The following ANKRD36 variants were observed in gnomAD, a reference collection of about 807,000 sequenced individuals.
ANKRD36 encodes the protein ankyrin repeat domain 36.
ANKRD36 carries 179 observed loss-of-function variants against 278.1 expected under a neutral mutation model. The observed-to-expected ratio is 0.64, with a 90% CI of 0.57 to 0.73. ANKRD36 has a LOEUF of 0.73. Among genes scored for constraint, ANKRD36 ranks in the 30% least tolerant of loss-of-function variants. The probability of loss-of-function intolerance (pLI) is 0.00; values close to 1 mark genes in which losing one functional copy is unlikely to be tolerated. For missense variants in ANKRD36, 1,159 were observed against 1,956.7 expected (o/e 0.59, Z 7.69); for synonymous variants, 320 against 641.1 (o/e 0.50, Z 7.57).
intron 22 of ANKRD36, among the ~76,000 whole-genome samples, chr2:97,172,275 T>C (rs957542663): frequency 2.0e-5 from 3 of 151,904 alleles, no homozygotes; most frequent in Non-Finnish European, 4.4e-5. Context: ...TTGGTCTTTG[T>C]AAAATCAGTG....
chr2:97,166,369 C>A (rs1377261936), intron 20 of ANKRD36, among the ~76,000 whole-genome samples: 1 of 148,800 alleles, frequency 6.7e-6, no homozygotes, highest in Non-Finnish European at 1.5e-5. Context: ...GGAATTTGTA[C>A]AAGTTAGTCC....
At chr2:97,207,529 A>C (rs1028057195) in intron 52 of ANKRD36, among the ~76,000 whole-genome samples, 2 of 151,480 alleles carry the variant, frequency 1.3e-5, no homozygotes, top group Non-Finnish European at 3.0e-5. Context: ...TGTCCTCATC[A>C]CTCGGCATAT....
At chr2:97,203,931 C>T in intron 48 of ANKRD36, 137 bp from the exon 49 acceptor site, 3 of 1,386,572 alleles carry the variant, frequency 2.2e-6, no homozygotes, top group Middle Eastern at 2.6e-4. Flanking sequence ...TTCTAATCCC[C>T]AGACCAAAAT....
intron 22 of ANKRD36, among the ~76,000 whole-genome samples, chr2:97,169,116 T>G (rs1427799472): frequency 1.3e-5 from 2 of 152,304 alleles, no homozygotes; most frequent in Non-Finnish European, 2.9e-5. Flanking sequence ...CTCTCCAGCA[T>G]CTGTTGTTTC....
chr2:97,131,183 TAA>T (rs1040868214), intron 6 of ANKRD36, among the ~76,000 whole-genome samples: 2 of 151,756 alleles, frequency 1.3e-5, no homozygotes, highest in African/African-American at 2.4e-5. Flanking sequence ...CATTTATATA[TAA>T]GTTTCTTGAT....
chr2:97,202,131 CAG>C (rs2061546152), intron 46 of ANKRD36, 69 bp from the exon 47 acceptor site: 2 of 1,597,026 alleles, frequency 1.3e-6, no homozygotes, highest in South Asian at 1.1e-5. Context: ...TTGATTCTAA[CAG>C]TGCTCGAATG....
intron 67 of ANKRD36, among the ~76,000 whole-genome samples, chr2:97,230,848 C>T (rs1325198103): frequency 2.6e-5 from 4 of 152,094 alleles, no homozygotes; most frequent in Admixed American, 1.3e-4. Context: ...TGTTAGTTTT[C>T]CTTCTACCAG....
chr2:97,185,399 T>A (rs754466429), intron 29 of ANKRD36, 39 bp from the exon 30 acceptor site: 1 of 1,607,934 alleles, frequency 6.2e-7, no homozygotes, highest in Admixed American at 1.7e-5. Context: ...CCATGAAACA[T>A]ACTTTCTTTA....
intron 17 of ANKRD36, among the ~76,000 whole-genome samples, chr2:97,160,677 G>T (rs2048643195): frequency 1.3e-5 from 2 of 151,954 alleles, no homozygotes; most frequent in South Asian, 4.2e-4. Flanking sequence ...AGAGCTATTA[G>T]TATATCATTT....
intron 22 of ANKRD36, among the ~76,000 whole-genome samples, chr2:97,178,861 G>GA (rs2055239113): frequency 6.6e-6 from 1 of 151,422 alleles, no homozygotes; most frequent in African/African-American, 2.4e-5. Context: ...ATTCTCTAGA[G>GA]AATAACATGA....
Position 97,128,308 on chromosome 2 carries a change from C to T in ANKRD36, c.799+1174C>T, listed in dbSNP as rs117594234. 4.0e-4 allele frequency among the ~76,000 whole-genome samples: 60 copies of T among 151,878 alleles called. No individual in the cohort carries two copies. In the East Asian group the frequency reaches 0.011, roughly 28 times the overall value. ...ACCCTGGGAATGTCAACATTCCCTC[C>T]CAACCCCCAGGAAAAAAAGAGTTGG... is the stretch of plus-strand genomic sequence containing the variant. On this transcript the variant is annotated intron_variant, in intron 6 of 75. Coordinates refer to ENST00000420699, the MANE Select transcript of ANKRD36 (RefSeq NM_001354587.1).
chr2:97,199,816 A>T (rs2060815290), intron 44 of ANKRD36, among the ~76,000 whole-genome samples: 1 of 151,930 alleles, frequency 6.6e-6, no homozygotes, highest in Admixed American at 6.6e-5. Flanking sequence ...TGATCAATTC[A>T]GGACACTTGC....
rs181560986 is a variant in ANKRD36 at position 97,123,959 on chromosome 2, A to T, written c.594-501A>T. Among the ~76,000 whole-genome samples the T allele has an allele frequency of 9.6e-4, 136 of 141,874 alleles. 11 individuals are homozygous for T. The East Asian group carries it at 0.012, about 13-fold the overall frequency. 93.1% of individuals were successfully genotyped at this position (141,874 alleles called of 152,430 possible). A position where few individuals can be genotyped will look rare whatever the true frequency, so the allele number is the denominator to read the frequency against. On this transcript the variant is annotated intron_variant, in intron 4 of 75. Coordinates refer to ENST00000420699, the MANE Select transcript of ANKRD36 (RefSeq NM_001354587.1). Reference sequence around the variant, plus strand: ...GGATATATTATTATCCTCCATATTTATATATATATATATATAGTGTTTAAT... The same window carrying T: ...GGATATATTATTATCCTCCATATTTTTATATATATATATATAGTGTTTAAT...
At chr2:97,166,655 C>T (rs895370047) in intron 20 of ANKRD36, among the ~76,000 whole-genome samples, 23 of 152,274 alleles carry the variant, frequency 1.5e-4, no homozygotes, top group East Asian at 1.2e-3. Flanking sequence ...CTGGTATATT[C>T]GCACTCGAAC....
chr2:97,184,590 G>A (rs576238017), intron 28 of ANKRD36, among the ~76,000 whole-genome samples: 26 of 151,724 alleles, frequency 1.7e-4, no homozygotes, highest in Non-Finnish European at 3.2e-4. Flanking sequence ...CTAATGCCAG[G>A]AGCCATTGCA....
In ANKRD36 at chr2:97,187,196, A is replaced by G. The variant is rs1443148096; in HGVS notation, c.2042-2A>G. ...TGATTATGTATCCCTTTTGCTTTTC[A>G]GTGTCTTCTCAGAAACAACCAGCCT... is the stretch of plus-strand genomic sequence containing the variant. On this transcript the variant is annotated splice_acceptor_variant, in intron 30 of 75. Transcript: ENST00000420699. LOFTEE classifies it high-confidence loss of function. The G allele has an allele frequency of 2.5e-6, 4 of 1,609,674 alleles. No homozygotes were observed. The highest frequency in any genetic ancestry group is 3.4e-6 in the Non-Finnish European group (4 of 1,178,696).
chr2:97,187,497 C>T (rs1298990840), intron 32 of ANKRD36, 96 bp downstream of exon 32: 7 of 1,347,550 alleles, frequency 5.2e-6, no homozygotes, highest in South Asian at 1.4e-5. Context: ...TGGGGGGGCT[C>T]GCCGAAGCTG....
rs1278788342 is a variant in ANKRD36, at chr2:97,206,076, A to G, written c.3104A>G (p.Glu1035Gly). ...KPPTLKATSD[E>G]EDSVLSIARE... ...AATTCCATTCAGGCTACAAGTGATGAGGAAGATTCTGTTTTGAGTATAGCC... is the reference window on the plus strand; with the variant it reads ...AATTCCATTCAGGCTACAAGTGATGGGGAAGATTCTGTTTTGAGTATAGCC... The change falls in exon 52 of 76, where the codon GAG (glutamate) becomes GGG (glycine). Residue 1035 changes from glutamate to glycine, a missense_variant. Glu to Gly is a moderately conservative substitution (Grantham distance 98). Coordinates refer to ENST00000420699, the MANE Select transcript of ANKRD36 (RefSeq NM_001354587.1). 2 of 1,551,390 alleles carry G rather than the reference A, an allele frequency of 1.3e-6. No homozygotes were observed. Among genetic ancestry groups the G allele is most frequent in the Admixed American group, 3.9e-5 (2 of 51,822 alleles).
At chr2:97,174,914 A>G (rs1380441031) in intron 22 of ANKRD36, among the ~76,000 whole-genome samples, 8 of 148,456 alleles carry the variant, frequency 5.4e-5, no homozygotes, top group Admixed American at 4.7e-4. Context: ...CTCTGTTTAT[A>G]TGCTGGATTA....
Sources: gnomAD v4.1 joint callset for allele counts (sites outside exome capture counted in the v4.1 genomes callset) on GRCh38, gnomAD v4.1.1 for gene constraint, MANE v1.5 for transcripts, NCBI Gene and HGNC (gene_info 2026-07-23, HGNC 2026-07-21) for gene names.